TSPAN5: variants seen among roughly 807,000 people sequenced by gnomAD.
TSPAN5 encodes tetraspanin-5.
A neutral mutation model predicts 37.1 loss-of-function variants in TSPAN5; 10 were observed. That is an observed-to-expected ratio of 0.27 (90% confidence interval 0.17 to 0.46). The LOEUF is 0.46. TSPAN5 is among the 20% of genes least tolerant of loss of function. TSPAN5 has a pLI of 1.00. For missense variants in TSPAN5, 195 were observed against 326.6 expected (o/e 0.60, Z 3.11); for synonymous variants, 110 against 118.9 (o/e 0.93, Z 0.48).
intron 1 of TSPAN5, among the ~76,000 whole-genome samples, chr4:98,643,658 A>G (rs1757003747): frequency 6.6e-6 from 1 of 152,174 alleles, no homozygotes; most frequent in African/African-American, 2.4e-5. Context: ...TGGACAGCAA[A>G]ACTCTCAAAG....
At chr4:98,613,869 C>A (rs910194510) in intron 1 of TSPAN5, among the ~76,000 whole-genome samples, 6 of 152,072 alleles carry the variant, frequency 3.9e-5, no homozygotes, top group African/African-American at 1.2e-4. Flanking sequence ...GATTCCCCCC[C>A]CAAAATGACT....
intron 1 of TSPAN5, among the ~76,000 whole-genome samples, chr4:98,512,583 GTTACCTC>G (rs1753634373): frequency 6.6e-6 from 1 of 152,184 alleles, no homozygotes; most frequent in East Asian, 1.9e-4. Flanking sequence ...AGGGCGATTA[GTTACCTC>G]TGGAGGGACA....
At chr4:98,540,679 C>A (rs1218865316) in intron 1 of TSPAN5, among the ~76,000 whole-genome samples, 2 of 152,092 alleles carry the variant, frequency 1.3e-5, no homozygotes, top group Non-Finnish European at 2.9e-5. Context: ...TGAAAACTAC[C>A]CAGCACAGGC....
At chr4:98,606,105 A>T (rs575815383) in intron 1 of TSPAN5, among the ~76,000 whole-genome samples, 3 of 152,348 alleles carry the variant, frequency 2.0e-5, no homozygotes, top group Admixed American at 2.0e-4. Context: ...TATGCACATC[A>T]CAAGAGCCTA....
At chr4:98,622,542 G>A (rs1490449884) in intron 1 of TSPAN5, among the ~76,000 whole-genome samples, 1 of 152,152 alleles carries the variant, frequency 6.6e-6, no homozygotes, top group Admixed American at 6.5e-5. Flanking sequence ...AATGTCTGAG[G>A]GTTCTCTGGA....
At chr4:98,550,914 G>A (rs1250146299) in intron 1 of TSPAN5, among the ~76,000 whole-genome samples, 1 of 152,108 alleles carries the variant, frequency 6.6e-6, no homozygotes, top group Non-Finnish European at 1.5e-5. Context: ...CCAGTGCCAT[G>A]TTGAATAAGA....
intron 1 of TSPAN5, among the ~76,000 whole-genome samples, chr4:98,592,964 G>T (rs1755687370): frequency 8.4e-6 from 1 of 119,414 alleles, no homozygotes; most frequent in African/African-American, 3.3e-5. Flanking sequence ...GTAATGGGAT[G>T]GCTGGGTCAA....
chr4:98,512,528 A>G (rs1753632265), intron 1 of TSPAN5, among the ~76,000 whole-genome samples: 1 of 152,154 alleles, frequency 6.6e-6, no homozygotes, highest in Admixed American at 6.5e-5. Context: ...GGCAGAGCTG[A>G]CCCTTGGGAA....
chr4:98,535,579 G>A (rs958583869), intron 1 of TSPAN5, among the ~76,000 whole-genome samples: 1 of 152,136 alleles, frequency 6.6e-6, no homozygotes, highest in Non-Finnish European at 1.5e-5. Context: ...ATGTTGGTCT[G>A]TCTTGCTAAT....
intron 1 of TSPAN5, among the ~76,000 whole-genome samples, chr4:98,525,024 T>C (rs1483199717): frequency 6.6e-6 from 1 of 152,210 alleles, no homozygotes; most frequent in Non-Finnish European, 1.5e-5. Flanking sequence ...CACAGTCACT[T>C]CTCTGGTATC....
chr4:98,535,614 T>C (rs1415463905), intron 1 of TSPAN5, among the ~76,000 whole-genome samples: 4 of 152,216 alleles, frequency 2.6e-5, no homozygotes. Context: ...CTGGATAATA[T>C]CCTGGAGAGT....
At chr4:98,549,493 G>C (rs921523521) in intron 1 of TSPAN5, among the ~76,000 whole-genome samples, 12 of 151,896 alleles carry the variant, frequency 7.9e-5, no homozygotes, top group Non-Finnish European at 1.6e-4. Context: ...TAGAGACAGG[G>C]TTTCACCATA....
intron 1 of TSPAN5, among the ~76,000 whole-genome samples, chr4:98,512,127 C>T (rs1488896180): frequency 6.6e-6 from 1 of 151,408 alleles, no homozygotes; most frequent in Non-Finnish European, 1.5e-5. Flanking sequence ...GCAGGAGAAT[C>T]GCTTGAACCT....
At position 98,619,137 on chromosome 4, in the gene TSPAN5, G is replaced by A. The variant is rs564926189; in HGVS notation, c.81+39009C>T. On this transcript the variant is annotated intron_variant, in intron 1 of 7. Coordinates refer to ENST00000305798, the MANE Select transcript of TSPAN5 (RefSeq NM_005723.4). ...TCACCCAACAAGTATAAAAATCCAC[G>A]AGCACACACACAAACTCTATCAGTA... Among the ~76,000 whole-genome samples the A allele has an allele frequency of 5.9e-5, 9 of 152,242 alleles. No individual in the cohort carries two copies. In the East Asian group the frequency reaches 1.3e-3, roughly 23 times the overall value.
chr4:98,569,031 C>T (rs1343850353), intron 1 of TSPAN5, among the ~76,000 whole-genome samples: 1 of 152,216 alleles, frequency 6.6e-6, no homozygotes, highest in Non-Finnish European at 1.5e-5. Flanking sequence ...GAAGCCAACT[C>T]ACTTGGGGTA....
intron 1 of TSPAN5, among the ~76,000 whole-genome samples, chr4:98,621,615 G>A (rs1294095798): frequency 5.9e-5 from 9 of 151,982 alleles, no homozygotes; most frequent in African/African-American, 1.5e-4. Flanking sequence ...TGATCCGCCC[G>A]CCTCAGGCTC....
At chr4:98,648,337 G>A (rs1417435782) in intron 1 of TSPAN5, among the ~76,000 whole-genome samples, 1 of 152,186 alleles carries the variant, frequency 6.6e-6, no homozygotes, top group East Asian at 1.9e-4. Flanking sequence ...AGCAACAGTG[G>A]ATGGGGAGGC....
chr4:98,566,286 A>T (rs1331280424), intron 1 of TSPAN5, among the ~76,000 whole-genome samples: 1 of 142,990 alleles, frequency 7.0e-6, no homozygotes, highest in East Asian at 2.2e-4. Context: ...GTGGAGCCCC[A>T]GCATTTTTCT....
At chr4:98,482,231 A>G (rs1752855784) in intron 3 of TSPAN5, 56 bp from the exon 4 acceptor site, 6 of 1,517,388 alleles carry the variant, frequency 4.0e-6, no homozygotes, top group South Asian at 3.6e-5. Context: ...TTGATCATAT[A>G]TAGCTAAATG....
Sources: allele counts gnomAD v4.1 joint callset (sites outside exome capture counted in the v4.1 genomes callset), GRCh38; gene constraint gnomAD v4.1.1; transcripts MANE v1.5; gene names NCBI Gene and HGNC (gene_info 2026-07-23, HGNC 2026-07-21).